The following SETD1A variants were observed in gnomAD, a reference collection of about 807,000 sequenced individuals.
SETD1A encodes SET domain containing 1A, histone lysine methyltransferase, also known as histone-lysine N-methyltransferase SETD1A.
SETD1A carries 29 observed loss-of-function variants against 149.9 expected under a neutral mutation model. That is an observed-to-expected ratio of 0.19 (90% confidence interval 0.14 to 0.26). SETD1A has a LOEUF of 0.26. SETD1A is among the 10% of genes least tolerant of loss of function. The pLI is 1.00. For missense variants in SETD1A, 2,109 were observed against 2,353.1 expected (o/e 0.90, Z 2.15); for synonymous variants, 1,141 against 968.5 (o/e 1.18, Z -3.31).
At position 30,979,254 on chromosome 16, in the gene SETD1A, C is replaced by A; in HGVS notation, c.3468C>A (p.Pro1156=). 6.2e-7 allele frequency: 1 copy of A among 1,611,164 alleles called. No individual in the cohort carries two copies. Residue 1156 remains proline (P), a synonymous_variant, in exon 14 of 19, where the codon CCC becomes CCA. Transcript: ENST00000262519. ...RPDERPSSPI[P]LLPPPKKRRK... is the part of the protein sequence containing the mutation. Reference sequence around the variant, plus strand: ...ATGAGCGTCCCTCTTCTCCCATCCCCCTCCTGCCCCCACCCAAGAAACGCC... The same window carrying A: ...ATGAGCGTCCCTCTTCTCCCATCCCACTCCTGCCCCCACCCAAGAAACGCC...
intron 13 of SETD1A, among the ~76,000 whole-genome samples, chr16:30,976,011 G>T (rs1008472834): frequency 1.3e-5 from 2 of 151,452 alleles, no homozygotes; most frequent in Non-Finnish European, 2.9e-5. Context: ...CCCTTCGGTG[G>T]GGAGGCAGGG....
chr16:30,983,585 G>C lies in SETD1A; in HGVS notation c.4813-50G>C. The stretch of plus-strand genomic sequence containing the variant: ...GGTGCTGGCTGGCAGGCGTGCTCAG[G>C]GGCAGGAAGTGGGGGACTCTTCCCT... On this transcript the variant is annotated intron_variant, in intron 17 of 18. Transcript: ENST00000262519. The surrounding 1 kb of genome is among the most constrained non-coding windows in gnomAD (Gnocchi z 6.8). 6.3e-7 allele frequency: 1 copy of C among 1,586,252 alleles called. No homozygotes were observed. The highest frequency in any genetic ancestry group is 1.2e-5 in the South Asian group (1 of 86,704).
Position 30,961,401 on chromosome 16 carries a change from T to C in SETD1A, c.381T>C (p.Leu127=). Residue 127 remains leucine (L), a synonymous_variant, in exon 4 of 19, where the codon CTT becomes CTC. Transcript: ENST00000262519. The surrounding 1 kb of genome is among the most constrained non-coding windows in gnomAD (Gnocchi z 4.0). ...YGEVEEVEIL[L]HPRTRKHLGL... is the part of the protein sequence containing the mutation. ...AGGTGGAAGAGGTAGAGATCCTCCT[T>C]CACCCCCGTACGCGCAAGCACCTGG... The C allele has an allele frequency of 2.5e-6, 4 of 1,614,152 alleles. No homozygotes were observed. The highest frequency in any genetic ancestry group is 2.2e-5 in the East Asian group (1 of 44,880).
chr16:30,965,101 A>G lies in SETD1A; in HGVS notation c.1359A>G (p.Arg453=). The change falls in exon 7 of 19, where the codon AGA becomes AGG. Residue 453 remains arginine, a synonymous_variant. Coordinates refer to ENST00000262519, the MANE Select transcript of SETD1A (RefSeq NM_014712.3). ...GGGGGGPSPE[R]EEVRTSPRPA... ...GTGGAGGAGGGCCCAGCCCTGAGAG[A>G]GAAGAAGTTCGGACTTCCCCCCGCC... The G allele has an allele frequency of 6.2e-7, 1 of 1,606,428 alleles. No homozygotes were observed. Among genetic ancestry groups the G allele is most frequent in the Non-Finnish European group, 8.5e-7 (1 of 1,175,150 alleles).
At position 30,983,189 on chromosome 16, in the gene SETD1A, C is replaced by T. The variant is rs183228775; in HGVS notation, c.4813-446C>T. ...ACGGAGGTGCGGGGCCTGACATGGG[C>T]GGCCTGCCATTTGCATTAGCCGGTG... On this transcript the variant is annotated intron_variant, in intron 17 of 18. Transcript: ENST00000262519. The surrounding 1 kb of genome is among the most constrained non-coding windows in gnomAD (Gnocchi z 6.8). Among the ~76,000 whole-genome samples, 29 of 152,238 alleles carry T rather than the reference C, an allele frequency of 1.9e-4. No homozygotes were observed. The highest frequency in any genetic ancestry group is 2.9e-4 in the African/African-American group (12 of 41,530).
In SETD1A at chr16:30,979,549, G is replaced by T; in HGVS notation, c.3763G>T (p.Val1255Phe). The part of the protein sequence containing the change: ...AEPGTEVDLA[V>F]LADLALTPAR... The stretch of plus-strand genomic sequence containing the variant: ...GCCAGGGACAGAGGTGGACCTGGCG[G>T]TCCTGGCCGACCTGGCCCTGACCCC... Residue 1255 changes from valine (V) to phenylalanine (F), a missense_variant, in exon 14 of 19, where the codon GTC becomes TTC. Val to Phe is a conservative substitution (Grantham distance 50). Around this residue, in one of 8 missense-constraint regions of SETD1A, gnomAD observed 832 missense variants for 815.6 expected, o/e 1.02. Transcript: ENST00000262519. The T allele has an allele frequency of 1.9e-6, 3 of 1,609,048 alleles. No homozygotes were observed. The highest frequency in any genetic ancestry group is 2.5e-6 in the Non-Finnish European group (3 of 1,178,902).
At chr16:30,969,240 C>A (rs575249561) in intron 10 of SETD1A, 65 bp from the exon 11 acceptor site, 2 of 1,523,010 alleles carry the variant, frequency 1.3e-6, no homozygotes, top group Middle Eastern at 2.2e-4. Flanking sequence ...TGTAAAGCCC[C>A]TTGCACAGGG....
rs751221041 is a variant in SETD1A at position 30,961,278 on chromosome 16, C to T, written c.258C>T (p.Phe86=). ...TGTTCTTTCCCCAGCTGGACGAGTTCTATATTGGACAGATTCCACTGAAGG... is the reference window on the plus strand; with the variant it reads ...TGTTCTTTCCCCAGCTGGACGAGTTTTATATTGGACAGATTCCACTGAAGG... ...LPVPKFKLDE[F]YIGQIPLKEV... The change falls in exon 4 of 19, where the codon TTC becomes TTT. Residue 86 remains phenylalanine, a synonymous_variant. Coordinates refer to ENST00000262519, the MANE Select transcript of SETD1A (RefSeq NM_014712.3). This position sits in a 1 kb window ranked among gnomAD's most constrained non-coding sequence, Gnocchi z 4.0. 1.2e-6 allele frequency: 2 copies of T among 1,614,010 alleles called. No homozygotes were observed. The highest frequency in any genetic ancestry group is 1.7e-5 in the Admixed American group (1 of 60,002).
In SETD1A at chr16:30,964,858, C is replaced by T. The variant is rs750980590; in HGVS notation, c.1116C>T (p.Ser372=). Residue 372 remains serine (S), a synonymous_variant, in exon 7 of 19, where the codon AGC becomes AGT. Coordinates refer to ENST00000262519, the MANE Select transcript of SETD1A (RefSeq NM_014712.3). ...SDANYPAYYE[S]WNRYQRHTSY... is the part of the protein sequence containing the mutation. Reference sequence around the variant, plus strand: ...CAAACTACCCAGCGTATTATGAAAGCTGGAATCGCTACCAGCGCCATACTT... The same window carrying T: ...CAAACTACCCAGCGTATTATGAAAGTTGGAATCGCTACCAGCGCCATACTT... 1.3e-5 allele frequency: 21 copies of T among 1,614,230 alleles called. No homozygotes were observed. Among genetic ancestry groups the T allele is most frequent in the South Asian group, 2.2e-5 (2 of 91,080 alleles).
intron 13 of SETD1A, among the ~76,000 whole-genome samples, chr16:30,973,888 G>A (rs923482100): frequency 2.0e-5 from 3 of 152,088 alleles, no homozygotes; most frequent in Non-Finnish European, 4.4e-5. Context: ...TGGGGTCACC[G>A]GCAGGTCAGA....
chr16:30,960,954 G>T (rs1387368974), intron 3 of SETD1A, among the ~76,000 whole-genome samples: 1 of 151,790 alleles, frequency 6.6e-6, no homozygotes, highest in East Asian at 1.9e-4. Flanking sequence ...TGTTGGACAG[G>T]CTGGTCTTGA....
At chr16:30,978,551 C>T (rs773478811) in intron 13 of SETD1A, among the ~76,000 whole-genome samples, 3 of 152,224 alleles carry the variant, frequency 2.0e-5, no homozygotes, top group East Asian at 1.9e-4. Context: ...TCTCTAGCAG[C>T]GCTGTCTCCT....
intron 12 of SETD1A, among the ~76,000 whole-genome samples, chr16:30,969,986 TGA>T (rs1429786080): frequency 1.3e-5 from 2 of 152,110 alleles, no homozygotes; most frequent in Non-Finnish European, 2.9e-5. Context: ...GTTGTTGTTT[TGA>T]GAGAGTTTCG....
chr16:30,964,221 C>G lies in SETD1A; in HGVS notation c.767C>G (p.Thr256Ser), dbSNP rs765583081. The change falls in exon 6 of 19, where the codon ACC (threonine) becomes AGC (serine). Residue 256 changes from threonine (T) to serine (S), a missense_variant. Thr to Ser is a moderately conservative substitution (Grantham distance 58). Transcript: ENST00000262519. ...DTSFSSSRQD[T>S]PSSFGQFTPQ... ...AGCTTCTCCAGCAGCCGACAAGATA[C>G]CCCATCTTCCTTTGGCCAGTTCACA... is the stretch of plus-strand genomic sequence containing the variant. The G allele has an allele frequency of 6.2e-7, 1 of 1,614,120 alleles. No homozygotes were observed. The highest frequency in any genetic ancestry group is 8.5e-7 in the Non-Finnish European group (1 of 1,179,994).
chr16:30,969,199 G>A (rs1427150372), intron 10 of SETD1A, 106 bp from the exon 11 acceptor site: 2 of 1,141,146 alleles, frequency 1.8e-6, no homozygotes, highest in Non-Finnish European at 2.5e-6. Flanking sequence ...TCTGTGAAAT[G>A]AAGACCATCA....
chr16:30,964,795 C>A lies in SETD1A; in HGVS notation c.1053C>A (p.Ser351=). The change falls in exon 7 of 19, where the codon TCC becomes TCA. Residue 351 remains serine (S), a synonymous_variant. Coordinates refer to ENST00000262519, the MANE Select transcript of SETD1A (RefSeq NM_014712.3). ...CATTGTCCTCGTCCTCCTCGTCATC[C>A]TCTTCCTCCTCGTCCTCTCAGTTTC... ...SSSLSSSSSS[S]SSSSSSQFRS... is the part of the protein sequence containing the mutation. The A allele has an allele frequency of 6.2e-7, 1 of 1,614,180 alleles. No individual in the cohort carries two copies. Among genetic ancestry groups the A allele is most frequent in the Non-Finnish European group, 8.5e-7 (1 of 1,180,006 alleles).
Position 30,979,929 on chromosome 16 carries a change from C to A in SETD1A, c.4143C>A (p.Ser1381Arg). The A allele has an allele frequency of 1.3e-6, 2 of 1,534,472 alleles. No individual in the cohort carries two copies. The change falls in exon 14 of 19, where the codon AGC becomes AGA. Residue 1381 changes from serine (S) to arginine (R), a missense_variant. Ser to Arg is a moderately radical substitution (Grantham distance 110). Transcript: ENST00000262519. ...AGGAGGAGTCCTCTGACAGCAGCAG[C>A]AGCAGCGATGGGGAGGGCGCCCTCC... ...EEEEESSDSS[S>R]SSDGEGALRR...
At chr16:30,967,083 G>A in intron 9 of SETD1A, 23 bp downstream of exon 9, 2 of 1,532,164 alleles carry the variant, frequency 1.3e-6, no homozygotes, top group Non-Finnish European at 1.8e-6. Context: ...GTCGTTTTGT[G>A]GGGTAGGGTG....
At position 30,965,967 on chromosome 16, in the gene SETD1A, G is replaced by A. The variant is rs1453080280; in HGVS notation, c.2086G>A (p.Gly696Ser). The A allele has an allele frequency of 6.3e-7, 1 of 1,597,520 alleles. No homozygotes were observed. The highest frequency in any genetic ancestry group is 8.5e-7 in the Non-Finnish European group (1 of 1,171,162). Residue 696 changes from glycine to serine, a missense_variant, in exon 8 of 19, where the codon GGC becomes AGC. Physicochemically the swap from Gly to Ser is moderately conservative, Grantham distance 56 (BLOSUM62 0). Coordinates refer to ENST00000262519, the MANE Select transcript of SETD1A (RefSeq NM_014712.3). ...AACTCGGCTCCATCAGCTGCGGCAG[G>A]GCAAGGGATTGATTGCCGCCTCAGC... ...MLTRLHQLRQ[G>S]KGLIAASAGP...
Sources: gnomAD v4.1 joint callset for allele counts (sites outside exome capture counted in the v4.1 genomes callset) on GRCh38, gnomAD v4.1.1 for gene constraint, gnomAD v4.1.1 regional missense constraint, Gnocchi (gnomAD v3.1) non-coding constraint, MANE v1.5 for transcripts, NCBI Gene and HGNC (gene_info 2026-07-23, HGNC 2026-07-21) for gene names.